The following PLSCR2 variants were observed in gnomAD, a reference collection of about 807,000 sequenced individuals.
PLSCR2 encodes the protein PL scramblase 2.
Under a neutral mutation model 25.3 loss-of-function variants are expected in PLSCR2, and 18 were observed. That is an observed-to-expected ratio of 0.71 (90% CI 0.49 to 1.06). PLSCR2 has a LOEUF of 1.06. PLSCR2 is among the 50% of genes least tolerant of loss of function. The pLI is 0.00. For synonymous variants in PLSCR2, 88 were observed against 87.3 expected (o/e 1.01, Z -0.04); for missense variants, 243 against 269.5 (o/e 0.90, Z 0.69).
chr3:146,431,293 T>C (rs998259588), downstream of PLSCR2, among the ~76,000 whole-genome samples: 2 of 152,178 alleles, frequency 1.3e-5, no homozygotes, highest in Admixed American at 6.5e-5. Context: ...TATGTTTCTA[T>C]CCAAAATCAT....
chr3:146,462,259 G>T (rs961665924), upstream of PLSCR2, among the ~76,000 whole-genome samples: 1 of 151,526 alleles, frequency 6.6e-6, no homozygotes, highest in Non-Finnish European at 1.5e-5. Context: ...CAGTAGAATT[G>T]ATTATTATTT....
chr3:146,436,750 A>G (rs923860421), intron 8 of PLSCR2, among the ~76,000 whole-genome samples: 9 of 151,964 alleles, frequency 5.9e-5, no homozygotes, highest in African/African-American at 1.9e-4. Context: ...TCTTTTCCTA[A>G]TGGAATACTC....
At chr3:146,454,594 G>C (rs957350864) in intron 4 of PLSCR2, among the ~76,000 whole-genome samples, 1 of 152,046 alleles carries the variant, frequency 6.6e-6, no homozygotes, top group Non-Finnish European at 1.5e-5. Context: ...TCCTGGAAAA[G>C]GCCAACTTTC....
At chr3:146,416,620 C>T (rs1051502652) in intron 2 of PLSCR2, 1 of 152,096 alleles carries the variant, frequency 6.6e-6, no homozygotes, top group African/African-American at 2.4e-5. Flanking sequence ...TAGAGTATGA[C>T]AAATTGAAAA....
intron 1 of PLSCR2, among the ~76,000 whole-genome samples, chr3:146,490,762 T>C (rs1485228288): frequency 6.6e-6 from 1 of 152,166 alleles, no homozygotes; most frequent in Non-Finnish European, 1.5e-5. Context: ...GATGGGTCTC[T>C]TGAAGACAGT....
intron 2 of PLSCR2, among the ~76,000 whole-genome samples, chr3:146,411,614 TTGAG>T: frequency 6.6e-6 from 1 of 152,232 alleles, no homozygotes; most frequent in South Asian, 2.1e-4. Context: ...AATGTTGTAC[TTGAG>T]TGAGTTAGAG....
In PLSCR2 at chr3:146,451,700, G is replaced by A. The variant is rs190518401; in HGVS notation, c.483+2302C>T. On this transcript the variant is annotated intron_variant, in intron 5 of 6. Transcript: ENST00000610787. ...TCATTCAGTCCTGTCCCCATCCTCC[G>A]GAGATGAGAGTAAGGCCAGAGTTTG... 2.4e-4 allele frequency among the ~76,000 whole-genome samples: 37 copies of A among 152,254 alleles called. No homozygotes were observed. The East Asian group carries it at 6.6e-3, about 27-fold the overall frequency.
chr3:146,448,582 A>G (rs2040701306), intron 6 of PLSCR2, among the ~76,000 whole-genome samples: 1 of 152,164 alleles, frequency 6.6e-6, no homozygotes, highest in Admixed American at 6.5e-5. Flanking sequence ...TGTTTCCATA[A>G]ACCTCAACTT....
chr3:146,455,499 T>C (rs772305314), intron 3 of PLSCR2, 40 bp from the exon 4 acceptor site: 4 of 1,179,534 alleles, frequency 3.4e-6, no homozygotes, highest in East Asian at 4.7e-5. Context: ...TACGTTAAAA[T>C]GATTGAACCT....
In PLSCR2 at chr3:146,410,504, G is replaced by A. The variant is rs74937653; in HGVS notation, c.101-14583C>T. 0.01 allele frequency among the ~76,000 whole-genome samples: 1,535 copies of A among 152,214 alleles called. 83 individuals carry two copies. The East Asian group carries it at 0.15, about 15-fold the overall frequency. On this transcript the variant is annotated intron_variant and NMD_transcript_variant, in intron 2 of 3. Coordinates refer to the PLSCR2 transcript ENST00000463633. ...AATCAGGTGTATGTTTTTCACACTC[G>A]TTCTTGTAACAACACCTGACTTGCC...
chr3:146,426,362 C>T (rs570790360), intron 2 of PLSCR2, among the ~76,000 whole-genome samples: 1 of 151,854 alleles, frequency 6.6e-6, no homozygotes, highest in South Asian at 2.1e-4. Context: ...GATTATTCTA[C>T]CTATTGGACT....
At chr3:146,442,044 T>A (rs1328934923) in intron 6 of PLSCR2, among the ~76,000 whole-genome samples, 1 of 152,094 alleles carries the variant, frequency 6.6e-6, no homozygotes, top group Non-Finnish European at 1.5e-5. Context: ...TATTGACACC[T>A]GCATTAATTT....
intron 4 of PLSCR2, 75 bp from the exon 5 acceptor site, chr3:146,454,238 A>C (rs754904262): frequency 1.9e-6 from 2 of 1,066,556 alleles, no homozygotes; most frequent in Non-Finnish European, 2.6e-6. Context: ...TAATTTACTG[A>C]GCATTTCCTA....
At chr3:146,440,003 T>C (rs1416258462), downstream of PLSCR2, among the ~76,000 whole-genome samples, 8 of 152,312 alleles carry the variant, frequency 5.3e-5, no homozygotes, top group East Asian at 1.2e-3. Flanking sequence ...AGTCAGGACC[T>C]TTACCTGCAG....
At chr3:146,392,737 T>G (rs920913658) in intron 3 of PLSCR2, among the ~76,000 whole-genome samples, 6 of 151,676 alleles carry the variant, frequency 4.0e-5, no homozygotes, top group Admixed American at 3.3e-4. Context: ...ACTTTATGAT[T>G]TTCTTGCTTT....
chr3:146,456,421 A>C (rs1187228783), intron 3 of PLSCR2, among the ~76,000 whole-genome samples: 2 of 152,198 alleles, frequency 1.3e-5, no homozygotes, highest in African/African-American at 2.4e-5. Context: ...TAGGAACTGC[A>C]CTTGACCTCA....
intron 2 of PLSCR2, among the ~76,000 whole-genome samples, chr3:146,398,055 A>G (rs1241735241): frequency 1.3e-5 from 2 of 152,108 alleles, no homozygotes; most frequent in African/African-American, 4.8e-5. Context: ...CATGTTTTAG[A>G]TGAAAGTTAG....
exon 5 of PLSCR2, chr3:146,454,148 G>A: frequency 1.3e-6 from 2 of 1,586,338 alleles, no homozygotes; most frequent in Non-Finnish European, 1.7e-6. Context: ...ACACCAGGAG[G>A]AGCTTGGATT....
chr3:146,439,481 C>T (rs2040101197), downstream of PLSCR2, among the ~76,000 whole-genome samples: 1 of 152,098 alleles, frequency 6.6e-6, no homozygotes, highest in South Asian at 2.1e-4. Flanking sequence ...TTTCTTTTTG[C>T]TCTTTTTCTC....
Sources: allele counts gnomAD v4.1 joint callset (sites outside exome capture counted in the v4.1 genomes callset), GRCh38; gene constraint gnomAD v4.1.1; transcripts MANE v1.5; gene names NCBI Gene and HGNC (gene_info 2026-07-23, HGNC 2026-07-21).